The following LARS2 variants were observed in gnomAD, a reference collection of about 807,000 sequenced individuals.
LARS2 encodes the protein leucine--tRNA ligase, mitochondrial.
LARS2 carries 81 observed loss-of-function variants against 116.6 expected under a neutral mutation model. The ratio of observed to expected loss-of-function variants is 0.69; its 90% confidence interval spans 0.58 to 0.84. The LOEUF is 0.84. LARS2 is among the 40% of genes least tolerant of loss of function. The pLI is 0.00. For synonymous variants in LARS2, 396 were observed against 407.2 expected (o/e 0.97, Z 0.33); for missense variants, 968 against 1,114.5 (o/e 0.87, Z 1.87).
chr3:45,502,486 C>T (rs1700137191), intron 15 of LARS2, among the ~76,000 whole-genome samples: 1 of 152,098 alleles, frequency 6.6e-6, no homozygotes, highest in Non-Finnish European at 1.5e-5. Context: ...GTAGTGCCCT[C>T]TCCATCATAA....
At chr3:45,539,223 C>T (rs1700754205) in intron 20 of LARS2, among the ~76,000 whole-genome samples, 1 of 151,546 alleles carries the variant, frequency 6.6e-6, no homozygotes, top group Admixed American at 6.6e-5. Context: ...ATGAAAAGAA[C>T]CTAAAAGAAA....
At chr3:45,483,633 A>G (rs372660871) in intron 10 of LARS2, among the ~76,000 whole-genome samples, 3 of 152,244 alleles carry the variant, frequency 2.0e-5, no homozygotes, top group African/African-American at 7.2e-5. Flanking sequence ...TGGGTGACAG[A>G]GTGGGACCCT....
At chr3:45,503,078 TG>T (rs1700146747) in intron 15 of LARS2, among the ~76,000 whole-genome samples, 1 of 151,890 alleles carries the variant, frequency 6.6e-6, no homozygotes. Context: ...AGGAACTCTT[TG>T]GAACCTCTCT....
chr3:45,500,587 C>A lies in LARS2; in HGVS notation c.1760+8C>A, dbSNP rs764625986. Reference sequence around the variant, plus strand: ...AAAAATGGTTAAACATAGGTAAGCACTTATACTGCTTTGCAAAATAATTGA... The same window carrying A: ...AAAAATGGTTAAACATAGGTAAGCAATTATACTGCTTTGCAAAATAATTGA... On this transcript the variant is annotated splice_region_variant and intron_variant, in intron 15 of 21. Transcript: ENST00000645846. The A allele has an allele frequency of 5.2e-6, 8 of 1,540,682 alleles. No individual in the cohort carries two copies. In the South Asian group the frequency reaches 1.0e-4, roughly 19 times the overall value.
chr3:45,497,077 A>C (rs114242142), intron 14 of LARS2, among the ~76,000 whole-genome samples: 4 of 152,212 alleles, frequency 2.6e-5, no homozygotes, highest in Admixed American at 2.6e-4. Context: ...CTCTTACTAC[A>C]TAGTAGATCA....
chr3:45,467,325 G>T (rs1699440212), intron 8 of LARS2, among the ~76,000 whole-genome samples: 1 of 152,158 alleles, frequency 6.6e-6, no homozygotes, highest in African/African-American at 2.4e-5. Context: ...TATGCAGAGA[G>T]ACACTTTTCC....
chr3:45,547,061 T>C (rs1024197956), intron 21 of LARS2, among the ~76,000 whole-genome samples: 3 of 152,174 alleles, frequency 2.0e-5, no homozygotes, highest in Non-Finnish European at 2.9e-5. Flanking sequence ...ACCACAGCTG[T>C]GTATGGGAGC....
intron 4 of LARS2, among the ~76,000 whole-genome samples, chr3:45,407,566 A>G (rs2125679857): frequency 6.6e-6 from 1 of 152,280 alleles, no homozygotes; most frequent in East Asian, 1.9e-4. Flanking sequence ...CCCAATCTGT[A>G]ATAATGGTGA....
chr3:45,466,561 T>C (rs967313073), intron 8 of LARS2, among the ~76,000 whole-genome samples: 1 of 152,146 alleles, frequency 6.6e-6, no homozygotes, highest in Non-Finnish European at 1.5e-5. Context: ...CATGTCCTTC[T>C]CACTCCTTCC....
chr3:45,520,488 CT>C lies in LARS2; in HGVS notation c.2292+193del, dbSNP rs146783745. On this transcript the variant is annotated intron_variant, in intron 19 of 21. Transcript: ENST00000645846. ...ATGCTGGAATGTTCTTAAAGATTTT[CT>C]GGTCCAAACCCCCTTCTCCCCCAAT... Among the ~76,000 whole-genome samples, 3,049 of 152,296 alleles carry C rather than the reference CT, an allele frequency of 0.02. 88 individuals carry two copies. Among genetic ancestry groups the C allele is most frequent in the African/African-American group, 0.066 (2,743 of 41,548 alleles).
intron 20 of LARS2, among the ~76,000 whole-genome samples, chr3:45,538,122 G>A (rs1040038523): frequency 2.6e-5 from 4 of 152,312 alleles, no homozygotes; most frequent in Middle Eastern, 3.4e-3. Flanking sequence ...GCAAGGAGGC[G>A]AAAACGCTAC....
intron 3 of LARS2, among the ~76,000 whole-genome samples, chr3:45,397,906 G>A (rs1284866535): frequency 6.6e-6 from 1 of 152,186 alleles, no homozygotes; most frequent in Non-Finnish European, 1.5e-5. Context: ...CAGTTATTAA[G>A]TTCCTGAGTT....
At chr3:45,518,435 T>A (rs1447863400) in intron 18 of LARS2, among the ~76,000 whole-genome samples, 1 of 152,164 alleles carries the variant, frequency 6.6e-6, no homozygotes, top group Non-Finnish European at 1.5e-5. Context: ...TGACACCGCA[T>A]ATGTTACATT....
chr3:45,462,432 A>G (rs1699345800), intron 8 of LARS2, among the ~76,000 whole-genome samples: 1 of 133,242 alleles, frequency 7.5e-6, no homozygotes, highest in Non-Finnish European at 1.6e-5. Flanking sequence ...AAAAAAAAAA[A>G]GAAAGAAAGA....
Position 45,496,312 on chromosome 3 carries a change from G to C in LARS2, c.1561G>C (p.Asp521His). 1 of 1,614,136 alleles carries C rather than the reference G, an allele frequency of 6.2e-7. No individual in the cohort carries two copies. Among genetic ancestry groups the C allele is most frequent in the Admixed American group, 1.7e-5 (1 of 60,026 alleles). ...GAAKRETDTM[D>H]TFVDSAWYYF... Reference sequence around the variant, plus strand: ...AGCCAAGAGAGAGACAGACACGATGGATACCTTTGTTGATTCTGCTTGGTA... The same window carrying C: ...AGCCAAGAGAGAGACAGACACGATGCATACCTTTGTTGATTCTGCTTGGTA... The change falls in exon 14 of 22, where the codon GAT becomes CAT. Residue 521 changes from aspartate to histidine, a missense_variant. By Grantham distance (81) the Asp-to-His change is moderately conservative (BLOSUM62 -1). Coordinates refer to ENST00000645846, the MANE Select transcript of LARS2 (RefSeq NM_015340.4).
chr3:45,445,290 G>T (rs938996284), intron 6 of LARS2, among the ~76,000 whole-genome samples: 1 of 152,172 alleles, frequency 6.6e-6, no homozygotes, highest in Non-Finnish European at 1.5e-5. Flanking sequence ...CCTGCCCTGG[G>T]TTTTGTTAAC....
At chr3:45,544,460 C>T (rs1700846175) in intron 21 of LARS2, among the ~76,000 whole-genome samples, 1 of 152,194 alleles carries the variant, frequency 6.6e-6, no homozygotes, top group African/African-American at 2.4e-5. Context: ...AGTGCTTAGC[C>T]TGCTTCTGGA....
chr3:45,416,934 T>C (rs1408758385), intron 4 of LARS2, among the ~76,000 whole-genome samples: 1 of 151,420 alleles, frequency 6.6e-6, no homozygotes, highest in Non-Finnish European at 1.5e-5. Context: ...ATTAGCTGGG[T>C]GTGGTGGCGT....
intron 11 of LARS2, among the ~76,000 whole-genome samples, chr3:45,488,423 ACT>A (rs529583464): frequency 2.6e-4 from 40 of 152,314 alleles, no homozygotes; most frequent in Middle Eastern, 3.4e-3. Context: ...ACAGAGCAAG[ACT>A]CTGTCTCAAA....
Sources: gnomAD v4.1 joint callset for allele counts (sites outside exome capture counted in the v4.1 genomes callset) on GRCh38, gnomAD v4.1.1 for gene constraint, MANE v1.5 for transcripts, NCBI Gene and HGNC (gene_info 2026-07-23, HGNC 2026-07-21) for gene names.